HERC3: variants seen among roughly 807,000 people sequenced by gnomAD.
The protein encoded by HERC3 is probable E3 ubiquitin-protein ligase HERC3.
A neutral mutation model predicts 129.9 loss-of-function variants in HERC3; 58 were observed. The observed-to-expected ratio is 0.45, with a 90% confidence interval of 0.36 to 0.56. HERC3 has a LOEUF of 0.56. Among genes scored for constraint, HERC3 ranks in the 20% least tolerant of loss-of-function variants. The probability of loss-of-function intolerance (pLI) is 0.00; values close to 1 mark genes in which losing one functional copy is unlikely to be tolerated. For missense variants in HERC3, 835 were observed against 1,244.2 expected (o/e 0.67, Z 4.95); for synonymous variants, 430 against 451.0 (o/e 0.95, Z 0.59).
Position 88,678,006 on chromosome 4 carries a change from C to T in HERC3, c.2068C>T (p.Leu690Phe). 6.2e-7 allele frequency: 1 copy of T among 1,613,758 alleles called. No individual in the cohort carries two copies. The highest frequency in any genetic ancestry group is 8.5e-7 in the Non-Finnish European group (1 of 1,180,006). ...GANLQNVFML[L>F]TLEPLLARSP... The stretch of plus-strand genomic sequence containing the variant: ...CAACCTGCAGAATGTCTTCATGCTT[C>T]TCACCCTGGAGCCTCTGCTGGCCAG... Residue 690 changes from leucine (L) to phenylalanine (F), a missense_variant, in exon 19 of 26, where the codon CTC (leucine) becomes TTC (phenylalanine). Transcript: ENST00000402738.
chr4:88,651,203 C>G (rs914245705), intron 4 of HERC3, among the ~76,000 whole-genome samples: 1 of 152,068 alleles, frequency 6.6e-6, no homozygotes, highest in Non-Finnish European at 1.5e-5. Context: ...AGGTTTTTAA[C>G]GGCATTTCAT....
intron 6 of HERC3, 122 bp downstream of exon 6, chr4:88,653,212 A>G (rs1209341534): frequency 5.5e-6 from 5 of 912,782 alleles, no homozygotes; most frequent in Non-Finnish European, 6.8e-6. Flanking sequence ...AGTGAACACA[A>G]TAGAGAACAT....
the HERC3 span, among the ~76,000 whole-genome samples, chr4:88,558,435 G>A: frequency 6.6e-3 from 1,007 of 152,290 alleles, 14 homozygotes; most frequent in African/African-American, 0.023. Flanking sequence ...TCACTTATAA[G>A]TGGGAGCTAA....
chr4:88,647,884 A>G (rs1728870510), intron 3 of HERC3, among the ~76,000 whole-genome samples: 1 of 150,084 alleles, frequency 6.7e-6, no homozygotes, highest in African/African-American at 2.5e-5. Flanking sequence ...ATTTTTTTCA[A>G]TATTGGACAT....
chr4:88,605,771 T>G (rs1202036180), intron 2 of HERC3, 24 bp from the exon 3 acceptor site: 2 of 1,406,914 alleles, frequency 1.4e-6, no homozygotes, highest in South Asian at 2.5e-5. Context: ...AATTAAAAAA[T>G]AATTTTTTTA....
chr4:88,681,184 A>C lies in HERC3; in HGVS notation c.2366A>C (p.His789Pro). The C allele has an allele frequency of 6.2e-7, 1 of 1,612,836 alleles. No homozygotes were observed. ...DTCFVEHNWF[H>P]LIGITCGLAI... ...TGTTTTGTAGAGCACAACTGGTTTC[A>C]CTTGATTGGTATAACCTGTGGACTA... The change falls in exon 21 of 26, where the codon CAC (histidine) becomes CCC (proline). Residue 789 changes from histidine (H) to proline (P), a missense_variant. Transcript: ENST00000402738.
intron 2 of HERC3, among the ~76,000 whole-genome samples, chr4:88,597,743 T>C (rs925076821): frequency 6.6e-6 from 1 of 152,186 alleles, no homozygotes; most frequent in Non-Finnish European, 1.5e-5. Flanking sequence ...TTAGAGGGGA[T>C]GATCCGGGGA....
chr4:88,689,904 C>T (rs1259744658), intron 23 of HERC3: 6 of 717,390 alleles, frequency 8.4e-6, no homozygotes, highest in Non-Finnish European at 8.5e-6. Context: ...ACAAACGACT[C>T]GAAGCTAGTA....
chr4:88,652,166 C>A, intron 5 of HERC3, 78 bp downstream of exon 5: 2 of 1,133,026 alleles, frequency 1.8e-6, no homozygotes, highest in Non-Finnish European at 2.7e-6. Context: ...GTGATATTAT[C>A]TAACTGAAAA....
chr4:88,694,304 A>G (rs1405664277), intron 23 of HERC3, among the ~76,000 whole-genome samples: 2 of 152,176 alleles, frequency 1.3e-5, no homozygotes, highest in Non-Finnish European at 2.9e-5. Context: ...GTATTTCTCT[A>G]GTAGGACTTA....
At chr4:88,652,808 T>C (rs1729437376) in intron 5 of HERC3, 61 bp from the exon 6 acceptor site, 1 of 1,513,274 alleles carries the variant, frequency 6.6e-7, no homozygotes, top group East Asian at 2.3e-5. Flanking sequence ...AATAACTAGA[T>C]TATTTTTGTG....
chr4:88,535,956 C>A, the HERC3 span, among the ~76,000 whole-genome samples: 1 of 152,180 alleles, frequency 6.6e-6, no homozygotes, highest in Admixed American at 6.5e-5. Flanking sequence ...TTCTTGGTTC[C>A]ATTTCCTTAT....
At chr4:88,628,427 A>G (rs1420443867) in intron 3 of HERC3, among the ~76,000 whole-genome samples, 1 of 151,948 alleles carries the variant, frequency 6.6e-6, no homozygotes, top group Non-Finnish European at 1.5e-5. Context: ...CCTTTTATTT[A>G]CAGTGGGTTT....
At chr4:88,689,471 A>C (rs1005025515) in intron 23 of HERC3, among the ~76,000 whole-genome samples, 2 of 150,558 alleles carry the variant, frequency 1.3e-5, no homozygotes, top group African/African-American at 4.9e-5. Flanking sequence ...GTAAGCCATG[A>C]TCATGCCTCT....
At chr4:88,617,190 A>AT (rs1202634079) in intron 3 of HERC3, among the ~76,000 whole-genome samples, 3 of 150,850 alleles carry the variant, frequency 2.0e-5, no homozygotes, top group African/African-American at 7.3e-5. Flanking sequence ...AAAAAAAAAA[A>AT]AAAAAAAAAA....
chr4:88,595,317 T>C (rs1243765237), intron 1 of HERC3, among the ~76,000 whole-genome samples: 2 of 152,222 alleles, frequency 1.3e-5, no homozygotes, highest in South Asian at 4.1e-4. Context: ...TATAAGGTGA[T>C]ATCTATATCT....
intron 20 of HERC3, chr4:88,680,939 T>C: frequency 1.1e-5 from 9 of 811,276 alleles, no homozygotes; most frequent in Non-Finnish European, 1.3e-5. Context: ...GACTGTGAGC[T>C]GTTCTCTGTA....
At chr4:88,551,871 C>T in the HERC3 span, among the ~76,000 whole-genome samples, 2 of 152,120 alleles carry the variant, frequency 1.3e-5, no homozygotes, top group African/African-American at 4.8e-5. Context: ...ATAGCAAAGA[C>T]TTGGAACAAA....
chr4:88,588,223 A>G (rs1721579355), upstream of HERC3, among the ~76,000 whole-genome samples: 1 of 152,260 alleles, frequency 6.6e-6, no homozygotes, highest in Non-Finnish European at 1.5e-5. Context: ...AGCTCTTTGT[A>G]GTCAGGAATG....
Sources: allele counts gnomAD v4.1 joint callset (sites outside exome capture counted in the v4.1 genomes callset), GRCh38; gene constraint gnomAD v4.1.1; transcripts MANE v1.5; gene names NCBI Gene and HGNC (gene_info 2026-07-23, HGNC 2026-07-21).